Variants in ENTREP1 observed in about 807,000 individuals in gnomAD.
The protein encoded by ENTREP1 is Friedreich ataxia region gene X123.
chr9:69,334,021 C>G, the ENTREP1 span, among the ~76,000 whole-genome samples: 1 of 152,348 alleles, frequency 6.6e-6, no homozygotes, highest in East Asian at 1.9e-4. Context: ...AGATGGTTTC[C>G]TTCCCTTACA....
chr9:69,336,298 C>G, the ENTREP1 span: 10 of 1,448,680 alleles, frequency 6.9e-6, no homozygotes, highest in Non-Finnish European at 9.6e-6. Context: ...AATTGCTACC[C>G]TTTATAAAAT....
chr9:69,350,752 G>T, the ENTREP1 span, among the ~76,000 whole-genome samples: 108 of 151,960 alleles, frequency 7.1e-4, no homozygotes, highest in Non-Finnish European at 1.4e-3. Context: ...TAGAATCCTG[G>T]GTTCAAAATA....
the ENTREP1 span, among the ~76,000 whole-genome samples, chr9:69,384,636 G>A: frequency 6.6e-6 from 1 of 152,200 alleles, no homozygotes; most frequent in African/African-American, 2.4e-5. Flanking sequence ...ACTAGAGTCA[G>A]TTTACATTTA....
the ENTREP1 span, among the ~76,000 whole-genome samples, chr9:69,356,238 C>T: frequency 1.3e-5 from 2 of 152,190 alleles, no homozygotes; most frequent in East Asian, 1.9e-4. Context: ...ATACAATATT[C>T]GTCCTTTTGT....
chr9:69,377,979 T>C, the ENTREP1 span, among the ~76,000 whole-genome samples: 1 of 151,858 alleles, frequency 6.6e-6, no homozygotes, highest in African/African-American at 2.4e-5. Context: ...TGAAAAACAA[T>C]TATGCTGTTT....
chr9:69,359,466 A>T, the ENTREP1 span, among the ~76,000 whole-genome samples: 2 of 152,246 alleles, frequency 1.3e-5, no homozygotes, highest in South Asian at 4.1e-4. Flanking sequence ...TCCTGTTCTC[A>T]TGATGGTGAG....
chr9:69,391,605 T>C, the ENTREP1 span: 1 of 1,613,858 alleles, frequency 6.2e-7, no homozygotes, highest in East Asian at 2.2e-5. Flanking sequence ...CCAAAGATAA[T>C]GGCCCCATTG....
chr9:69,326,327 G>C, the ENTREP1 span, among the ~76,000 whole-genome samples: 1 of 152,140 alleles, frequency 6.6e-6, no homozygotes, highest in African/African-American at 2.4e-5. Context: ...TTAAAGGAAG[G>C]CCTTAACCCC....
chr9:69,349,296 A>G, the ENTREP1 span, among the ~76,000 whole-genome samples: 1 of 151,462 alleles, frequency 6.6e-6, no homozygotes, highest in Non-Finnish European at 1.5e-5. Context: ...GTACATGTCT[A>G]GGAGTGGAAT....
the ENTREP1 span, chr9:69,371,460 G>C: frequency 7.5e-7 from 1 of 1,327,962 alleles, no homozygotes; most frequent in Non-Finnish European, 1.1e-6. Context: ...GAATTTAGCT[G>C]TTATCTTTTA....
the ENTREP1 span, among the ~76,000 whole-genome samples, chr9:69,363,680 G>A: frequency 2.0e-3 from 301 of 152,290 alleles, no homozygotes; most frequent in African/African-American, 7.0e-3. Flanking sequence ...CTGCAGAGAA[G>A]GAACCAGGAG....
At chr9:69,345,379 T>C in the ENTREP1 span, among the ~76,000 whole-genome samples, 1 of 152,218 alleles carries the variant, frequency 6.6e-6, no homozygotes, top group Non-Finnish European at 1.5e-5. Flanking sequence ...AGATTTGACC[T>C]GGGTACTGTA....
chr9:69,354,138 G>A, the ENTREP1 span, among the ~76,000 whole-genome samples: 62 of 151,478 alleles, frequency 4.1e-4, no homozygotes, highest in African/African-American at 1.4e-3. Context: ...ATTGTCTTAC[G>A]TATTTTTTTT....
chr9:69,385,431 T>C, the ENTREP1 span, among the ~76,000 whole-genome samples: 1 of 152,176 alleles, frequency 6.6e-6, no homozygotes, highest in East Asian at 1.9e-4. Context: ...ACCAGGCTTA[T>C]CCTGAGATGT....
chr9:69,387,992 T>TTA, the ENTREP1 span: 2 of 1,518,920 alleles, frequency 1.3e-6, no homozygotes, highest in African/African-American at 3.3e-5. Context: ...GGGAATAACC[T>TTA]TGTGTTGTTT....
chr9:69,363,435 G>A, the ENTREP1 span, among the ~76,000 whole-genome samples: 1 of 152,198 alleles, frequency 6.6e-6, no homozygotes, highest in Admixed American at 6.5e-5. Flanking sequence ...AGTTGTATCA[G>A]TCAAGCTCCC....
chr9:69,362,877 T>G, the ENTREP1 span, among the ~76,000 whole-genome samples: 2 of 152,170 alleles, frequency 1.3e-5, no homozygotes, highest in South Asian at 4.1e-4. Flanking sequence ...GGACTCCGAG[T>G]TCTTCAGCTT....
At chr9:69,332,689 A>C in the ENTREP1 span, among the ~76,000 whole-genome samples, 114 of 152,378 alleles carry the variant, frequency 7.5e-4, no homozygotes, top group Non-Finnish European at 1.1e-3. Flanking sequence ...AAATAAAGAT[A>C]GCTTAGTTCT....
the ENTREP1 span, among the ~76,000 whole-genome samples, chr9:69,372,529 A>C: frequency 6.6e-6 from 1 of 152,244 alleles, no homozygotes; most frequent in South Asian, 2.1e-4. Context: ...CTTCCTTTTT[A>C]AGACTATATA....
Sources: gnomAD v4.1 joint callset for allele counts (sites outside exome capture counted in the v4.1 genomes callset) on GRCh38, gnomAD v4.1.1 for gene constraint, MANE v1.5 for transcripts, NCBI Gene and HGNC (gene_info 2026-07-23, HGNC 2026-07-21) for gene names.